Variants in KLHL36 observed in about 807,000 individuals in gnomAD.
KLHL36 encodes kelch-like protein 36.
A neutral mutation model predicts 53.3 loss-of-function variants in KLHL36; 35 were observed. That is an observed-to-expected ratio of 0.66 (90% CI 0.50 to 0.87). The LOEUF (loss-of-function observed/expected upper bound fraction) is 0.87, where lower values mean the gene tolerates loss of function less well. Ranked by LOEUF, KLHL36 falls within the 40% of genes least tolerant of loss-of-function variation. The probability of loss-of-function intolerance (pLI) is 0.00; values close to 1 mark genes in which losing one functional copy is unlikely to be tolerated. For synonymous variants in KLHL36, 472 were observed against 398.9 expected, an observed-to-expected ratio of 1.18 and a Z score of -2.18; for missense variants, 864 against 897.6, an observed-to-expected ratio of 0.96 and a Z score of 0.48.
At chr16:84,655,466 A>G (rs1346267823) in intron 2 of KLHL36, among the ~76,000 whole-genome samples, 1 of 152,048 alleles carries the variant, frequency 6.6e-6, no homozygotes, top group East Asian at 1.9e-4. Context: ...AGTCCCAGTT[A>G]CTCAGGAGGC....
At position 84,656,963 on chromosome 16, in the gene KLHL36, C is replaced by T. The variant is rs151283957; in HGVS notation, c.156C>T (p.Ala52=). 5.6e-4 allele frequency: 907 copies of T among 1,613,822 alleles called. 4 individuals carry two copies. In the African/African-American group the frequency reaches 0.011, roughly 20 times the overall value. ...TCTTCTGCGACGTCGTCCTGGTGGC[C>T]GATGAGCAGCGTGTGCCAGCCCATC... ...RGLFCDVVLV[A]DEQRVPAHRN... The change falls in exon 3 of 5, where the codon GCC becomes GCT. Residue 52 remains alanine, a synonymous_variant. Coordinates refer to ENST00000564996, the MANE Select transcript of KLHL36 (RefSeq NM_024731.4).
chr16:84,661,532 G>A lies in KLHL36; in HGVS notation c.1296-46G>A. The A allele has an allele frequency of 2.0e-6, 3 of 1,529,678 alleles. No individual in the cohort carries two copies. The highest frequency in any genetic ancestry group is 2.6e-6 in the Non-Finnish European group (3 of 1,134,094). 94.8% of individuals were successfully genotyped at this position (1,529,678 alleles called of 1,614,324 possible). On this transcript the variant is annotated intron_variant, in intron 4 of 4. Transcript: ENST00000564996. This position sits in a 1 kb window ranked among gnomAD's most constrained non-coding sequence, Gnocchi z 7.9. ...CCCCGGCTCGGAGGGGGTAAGCCTG[G>A]CACAGCCCTGAGCTCTCCCTCTGTC... is the stretch of plus-strand genomic sequence containing the variant.
intron 2 of KLHL36, among the ~76,000 whole-genome samples, chr16:84,652,244 G>A (rs1906931628): frequency 6.6e-6 from 1 of 152,122 alleles, no homozygotes. Context: ...CTTAGGACTA[G>A]GCTTCTGTAT....
intron 3 of KLHL36, 120 bp downstream of exon 3, chr16:84,658,064 T>G: frequency 1.3e-6 from 1 of 793,790 alleles, no homozygotes; most frequent in South Asian, 2.2e-5. Flanking sequence ...GAATGAGGTG[T>G]GATGATAAAG....
chr16:84,655,705 A>G (rs1907162451), intron 2 of KLHL36, among the ~76,000 whole-genome samples: 1 of 145,806 alleles, frequency 6.9e-6, no homozygotes, highest in African/African-American at 2.5e-5. Context: ...CCCTGTCTCA[A>G]AAAAAAAAAA....
At position 84,664,038 on chromosome 16, in the gene KLHL36, C is replaced by A. The variant is rs1055773065; in HGVS notation, c.*1905C>A. Reference sequence around the variant, plus strand: ...CTCTGCTTGGAGCTCTGCAGCATTCCGGTGTATGAAAGGTTCCGAGAAGTC... The same window carrying A: ...CTCTGCTTGGAGCTCTGCAGCATTCAGGTGTATGAAAGGTTCCGAGAAGTC... On this transcript the variant is annotated 3_prime_UTR_variant, in exon 5 of 5. Transcript: ENST00000564996. 6.6e-6 allele frequency: 1 copy of A among 152,188 alleles called. No individual in the cohort carries two copies. The highest frequency in any genetic ancestry group is 1.5e-5 in the Non-Finnish European group (1 of 68,032). 9.4% of individuals were successfully genotyped at this position (152,188 alleles called of 1,614,324 possible).
Position 84,648,639 on chromosome 16 carries a change from C to T in KLHL36, c.-27C>T, listed in dbSNP as rs1906601487. On this transcript the variant is annotated 5_prime_UTR_variant, in exon 1 of 5. Coordinates refer to ENST00000564996, the MANE Select transcript of KLHL36 (RefSeq NM_024731.4). The surrounding 1 kb of genome is among the most constrained non-coding windows in gnomAD (Gnocchi z 4.9). ...GGCTGTCCCCGCCGCGTCCGTAGCG[C>T]GTCCTGCCAGGTGGGCCTCCGCGCG... 1 of 148,066 alleles carries T rather than the reference C, an allele frequency of 6.8e-6. No individual in the cohort carries two copies. 9.2% of individuals were successfully genotyped at this position (148,066 alleles called of 1,614,324 possible).
In KLHL36 at chr16:84,666,372, T is replaced by G. The variant is rs549366953; in HGVS notation, c.*4239T>G. On this transcript the variant is annotated 3_prime_UTR_variant, in exon 5 of 5. Coordinates refer to ENST00000564996, the MANE Select transcript of KLHL36 (RefSeq NM_024731.4). ...GCTGATGTGATACAGCTCTAGAATT[T>G]CGTGAAGTTGCATGCAAAGTTGCAT... is the stretch of plus-strand genomic sequence containing the variant. 1.3e-5 allele frequency: 2 copies of G among 152,116 alleles called. No homozygotes were observed. The highest frequency in any genetic ancestry group is 4.8e-5 in the African/African-American group (2 of 41,412). 9.4% of individuals were successfully genotyped at this position (152,116 alleles called of 1,614,324 possible).
At position 84,657,579 on chromosome 16, in the gene KLHL36, C is replaced by T. The variant is rs1191553007; in HGVS notation, c.772C>T (p.Pro258Ser). ...CAAGCCGGCCGTGTGCTCGCTGCTG[C>T]CCAAGGAGGCCAACTGCGAGGGCTT... Reference protein sequence around the residue: ...RVKPAVCSLLPKEANCEGFIE... With the variant: ...RVKPAVCSLLSKEANCEGFIE... Residue 258 changes from proline (P) to serine (S), a missense_variant, in exon 3 of 5, where the codon CCC (proline) becomes TCC (serine). Coordinates refer to ENST00000564996, the MANE Select transcript of KLHL36 (RefSeq NM_024731.4). The T allele has an allele frequency of 1.4e-5, 23 of 1,610,892 alleles. No individual in the cohort carries two copies. Among genetic ancestry groups the T allele is most frequent in the Non-Finnish European group, 1.9e-5 (23 of 1,179,874 alleles).
intron 4 of KLHL36, among the ~76,000 whole-genome samples, chr16:84,660,794 G>A (rs998235803): frequency 2.0e-5 from 3 of 152,112 alleles, no homozygotes; most frequent in African/African-American, 4.8e-5. Flanking sequence ...GCTAAGTTTT[G>A]TATTTTTGGT....
chr16:84,657,927 T>C lies in KLHL36; in HGVS notation c.1120T>C (p.Cys374Arg). The part of the protein sequence containing the change: ...SNLLYRYDPR[C>R]KQWIKVASMN... ...TCTTCTTTATAGGTATGACCCCCGC[T>C]GTAAACAGTGGATCAAGGTGAGATT... Residue 374 changes from cysteine to arginine, a missense_variant, in exon 3 of 5, where the codon TGT becomes CGT. By Grantham distance (180) the Cys-to-Arg change is radical (BLOSUM62 -3). Transcript: ENST00000564996. The C allele has an allele frequency of 6.6e-7, 1 of 1,520,074 alleles. No individual in the cohort carries two copies. The highest frequency in any genetic ancestry group is 8.8e-7 in the Non-Finnish European group (1 of 1,134,210). The allele number at this position is 1,520,074 out of a possible 1,614,324, so 94.2% of individuals were successfully genotyped here. A position where few individuals can be genotyped will look rare whatever the true frequency, so the allele number is the denominator to read the frequency against.
At chr16:84,652,790 C>A (rs992220877) in intron 2 of KLHL36, among the ~76,000 whole-genome samples, 7 of 152,192 alleles carry the variant, frequency 4.6e-5, no homozygotes, top group Admixed American at 2.6e-4. Flanking sequence ...TGTGTGGTTT[C>A]TTTTGTGCAA....
Position 84,656,915 on chromosome 16 carries a change from G to T in KLHL36, c.108G>T (p.Leu36=), listed in dbSNP as rs756668254. The T allele has an allele frequency of 3.7e-6, 6 of 1,612,620 alleles. No homozygotes were observed. The highest frequency in any genetic ancestry group is 1.7e-5 in the Admixed American group (1 of 59,994). Residue 36 remains leucine, a synonymous_variant, in exon 3 of 5, where the codon CTG becomes CTT. Coordinates refer to ENST00000564996, the MANE Select transcript of KLHL36 (RefSeq NM_024731.4). ...ACTCAAGCACGGTGCTGCAGCGGCT[G>T]AACGAGCAGCGTCTCCGCGGGCTCT... ...ADHSSTVLQR[L]NEQRLRGLFC...
In KLHL36 at chr16:84,666,092, C is replaced by T. The variant is rs548475211; in HGVS notation, c.*3959C>T. 6.6e-6 allele frequency: 1 copy of T among 152,332 alleles called. No individual in the cohort carries two copies. The highest frequency in any genetic ancestry group is 2.1e-4 in the South Asian group (1 of 4,820). 9.4% of individuals were successfully genotyped at this position (152,332 alleles called of 1,614,324 possible). On this transcript the variant is annotated 3_prime_UTR_variant, in exon 5 of 5. Transcript: ENST00000564996. ...GGCATCCTGGCCTCTAGGATAAATG[C>T]CTGGAGTATAGGGCAGCGCCACGGG...
chr16:84,659,453 CCA>C (rs1427772278), intron 3 of KLHL36: 1 of 323,130 alleles, frequency 3.1e-6, no homozygotes, highest in Non-Finnish European at 5.8e-6. Context: ...ACCCCTGTGA[CCA>C]CAGAGTTCCC....
intron 3 of KLHL36, 124 bp downstream of exon 3, chr16:84,658,068 G>A: frequency 1.3e-6 from 1 of 779,450 alleles, no homozygotes; most frequent in Non-Finnish European, 2.0e-6. Flanking sequence ...GAGGTGTGAT[G>A]ATAAAGTGAC....
intron 3 of KLHL36, chr16:84,658,245 G>A (rs535223805): frequency 1.4e-5 from 4 of 286,696 alleles, no homozygotes; most frequent in East Asian, 6.0e-5. Context: ...CGCATGTGGC[G>A]ACTGAGCACT....
chr16:84,659,728 G>A (rs375439461), intron 3 of KLHL36, 32 bp from the exon 4 acceptor site: 3 of 1,605,680 alleles, frequency 1.9e-6, no homozygotes, highest in East Asian at 4.5e-5. Context: ...CGGGTTCGGG[G>A]AAGGGAAGGT....
rs908513436 is a variant in KLHL36, at chr16:84,664,166, G to A, written c.*2033G>A. 7 of 152,180 alleles carry A rather than the reference G, an allele frequency of 4.6e-5. No homozygotes were observed. Among genetic ancestry groups the A allele is most frequent in the African/African-American group, 1.7e-4 (7 of 41,442 alleles). 9.4% of individuals were successfully genotyped at this position (152,180 alleles called of 1,614,324 possible). On this transcript the variant is annotated 3_prime_UTR_variant, in exon 5 of 5. Transcript: ENST00000564996. ...GTTTTGCAGAACTTCTGCCAACTTT[G>A]GGATAGCTTACCCCCTTCCTATTCG...
Sources: gnomAD v4.1 joint callset for allele counts (sites outside exome capture counted in the v4.1 genomes callset) on GRCh38, gnomAD v4.1.1 for gene constraint, Gnocchi (gnomAD v3.1) non-coding constraint, MANE v1.5 for transcripts, NCBI Gene and HGNC (gene_info 2026-07-23, HGNC 2026-07-21) for gene names.